The following FAM136A variants were observed in gnomAD, a reference collection of about 807,000 sequenced individuals.
FAM136A encodes TIM double twin CX3C motif protein.
In FAM136A, 25 loss-of-function variants were observed where a neutral mutation model predicts 21.6. The ratio of observed to expected loss-of-function variants is 1.16; its 90% CI spans 0.84 to 1.62. The LOEUF is 1.62. FAM136A is among the 40% of genes most tolerant of loss of function. The pLI is 0.00. For missense variants in FAM136A, 338 were observed against 332.0 expected, an observed-to-expected ratio of 1.02 and a Z score of -0.14; for synonymous variants, 119 against 129.4, an observed-to-expected ratio of 0.92 and a Z score of 0.55.
rs1225829272 is a variant in FAM136A, at chr2:70,296,504, G to A, written c.*785C>T. ...CTTCAAGGGGAAAGTGTTACTGCAA[G>A]ATTGTCCTGTCATTTTGTTACACAC... is the stretch of plus-strand genomic sequence containing the variant. On this transcript the variant is annotated 3_prime_UTR_variant, in exon 3 of 3. Coordinates refer to ENST00000430566, the MANE Select transcript of FAM136A (RefSeq NM_001329752.2). The A allele has an allele frequency of 6.6e-6, 1 of 152,240 alleles. No individual in the cohort carries two copies. Among genetic ancestry groups the A allele is most frequent in the Non-Finnish European group, 1.5e-5 (1 of 68,052 alleles). The allele number at this position is 152,240 out of a possible 1,614,324, so 9.4% of individuals were successfully genotyped here.
chr2:70,300,356 T>C (rs1267875611), intron 2 of FAM136A, among the ~76,000 whole-genome samples: 1 of 151,368 alleles, frequency 6.6e-6, no homozygotes, highest in East Asian at 2.0e-4. Flanking sequence ...TGAGACAGAG[T>C]CTCGCTCTGT....
In FAM136A at chr2:70,301,646, C is replaced by T. The variant is rs1257151159; in HGVS notation, c.366G>A (p.Ala122=). 6.5e-7 allele frequency: 1 copy of T among 1,535,602 alleles called. No homozygotes were observed. The highest frequency in any genetic ancestry group is 8.7e-7 in the Non-Finnish European group (1 of 1,146,600). Residue 122 remains alanine, a synonymous_variant, in exon 1 of 3, where the codon GCG becomes GCA. Coordinates refer to ENST00000430566, the MANE Select transcript of FAM136A (RefSeq NM_001329752.2). ...TAAGAGGGGAAGGTGGTGGGGCGAGCGCCTGCCACCAGGGGCTTCCCACCT... is the reference window on the plus strand; with the variant it reads ...TAAGAGGGGAAGGTGGTGGGGCGAGTGCCTGCCACCAGGGGCTTCCCACCT... ...RRQVGSPWWQ[A]LAPPPSPLTR... is the part of the protein sequence containing the mutation.
intron 1 of FAM136A, 78 bp from the exon 2 acceptor site, chr2:70,301,058 A>C (rs749247784): frequency 3.4e-6 from 5 of 1,489,016 alleles, no homozygotes; most frequent in Non-Finnish European, 4.6e-6. Context: ...CAGGAGTTAG[A>C]AGGCCACGTG....
intron 2 of FAM136A, among the ~76,000 whole-genome samples, chr2:70,298,817 G>A (rs1327820144): frequency 6.6e-6 from 1 of 152,184 alleles, no homozygotes; most frequent in Non-Finnish European, 1.5e-5. Context: ...AGAGTGAGAT[G>A]TCCTGGTGAC....
In FAM136A at chr2:70,300,994, G is replaced by A; in HGVS notation, c.409-14C>T. 2 of 1,605,262 alleles carry A rather than the reference G, an allele frequency of 1.2e-6. No individual in the cohort carries two copies. Among genetic ancestry groups the A allele is most frequent in the Non-Finnish European group, 1.7e-6 (2 of 1,172,890 alleles). On this transcript the variant is annotated splice_polypyrimidine_tract_variant and intron_variant, in intron 1 of 2. Transcript: ENST00000430566. ...GAACATGAGACCCTGGGGAGAAAGG[G>A]CAGAGAGGTTAGGTAGGAAAGTCTC...
In FAM136A at chr2:70,297,094, C is replaced by T; in HGVS notation, c.*195G>A. The T allele has an allele frequency of 1.7e-6, 1 of 583,824 alleles. No homozygotes were observed. The highest frequency in any genetic ancestry group is 4.2e-4 in the Middle Eastern group (1 of 2,398). The allele number at this position is 583,824 out of a possible 1,614,324, so 36.2% of individuals were successfully genotyped here. A position where few individuals can be genotyped will look rare whatever the true frequency, so the allele number is the denominator to read the frequency against. On this transcript the variant is annotated 3_prime_UTR_variant, in exon 3 of 3. Coordinates refer to ENST00000430566, the MANE Select transcript of FAM136A (RefSeq NM_001329752.2). ...GTAATATCTCTGACTCGATTTAGCA[C>T]CACTTTTTTCCATTTCATTTTTTAG...
Position 70,301,671 on chromosome 2 carries a change from T to G in FAM136A, c.341A>C (p.Gln114Pro). Residue 114 changes from glutamine to proline, a missense_variant, in exon 1 of 3, where the codon CAG becomes CCG. Gln to Pro is a moderately conservative substitution (Grantham distance 76, BLOSUM62 -1). Transcript: ENST00000430566. The stretch of plus-strand genomic sequence containing the variant: ...CGCCTGCCACCAGGGGCTTCCCACC[T>G]GCCGCCGAGGACGCTCCTGCCCCGG... ...SSPGQERPRR[Q>P]VGSPWWQALA... 6.5e-7 allele frequency: 1 copy of G among 1,535,066 alleles called. No homozygotes were observed. Among genetic ancestry groups the G allele is most frequent in the South Asian group, 1.2e-5 (1 of 83,972 alleles).
rs1282889500 is a variant in FAM136A at position 70,297,493 on chromosome 2, A to AGAAG, written c.550-17_550-16insCTTC. 1 of 1,214,730 alleles carries AGAAG rather than the reference A, an allele frequency of 8.2e-7. No homozygotes were observed. Among genetic ancestry groups the AGAAG allele is most frequent in the Admixed American group, 2.5e-5 (1 of 39,980 alleles). The allele number at this position is 1,214,730 out of a possible 1,614,324, so 75.2% of individuals were successfully genotyped here. A position where few individuals can be genotyped will look rare whatever the true frequency, so the allele number is the denominator to read the frequency against. ...CCAGGCGGTCCTGTGGCAAGAAGGAAGAACGTAGAAAAAGCTGAGAGTAAG... is the reference window on the plus strand; with the variant it reads ...CCAGGCGGTCCTGTGGCAAGAAGGAAGAAGGAACGTAGAAAAAGCTGAGAGTAAG... On this transcript the variant is annotated splice_polypyrimidine_tract_variant and intron_variant, in intron 2 of 2. Coordinates refer to ENST00000430566, the MANE Select transcript of FAM136A (RefSeq NM_001329752.2).
chr2:70,299,325 A>C (rs1697332440), intron 2 of FAM136A, among the ~76,000 whole-genome samples: 1 of 152,188 alleles, frequency 6.6e-6, no homozygotes, highest in Non-Finnish European at 1.5e-5. Flanking sequence ...CCAGAGAGGG[A>C]AACAGGGAGC....
At position 70,301,983 on chromosome 2, in the gene FAM136A, T is replaced by C; in HGVS notation, c.29A>G (p.Gln10Arg). 1.2e-6 allele frequency: 2 copies of C among 1,606,258 alleles called. No homozygotes were observed. Among genetic ancestry groups the C allele is most frequent in the Non-Finnish European group, 8.5e-7 (1 of 1,177,664 alleles). MAELQQLRV[Q>R]EAVESMVKSL... ...CTTCACCATGGACTCCACCGCCTCC[T>C]GCACCCGGAGCTGCTGCAGCTCAGC... Residue 10 changes from glutamine to arginine, a missense_variant, in exon 1 of 3, where the codon CAG becomes CGG. Physicochemically the swap from Gln to Arg is conservative, Grantham distance 43. Coordinates refer to ENST00000430566, the MANE Select transcript of FAM136A (RefSeq NM_001329752.2).
chr2:70,301,458 G>A, intron 1 of FAM136A, 146 bp downstream of exon 1: 1 of 1,535,556 alleles, frequency 6.5e-7, no homozygotes, highest in Non-Finnish European at 8.7e-7. Context: ...GGGGCTCAGA[G>A]AAGAACAGTG....
At position 70,297,348 on chromosome 2, in the gene FAM136A, G is replaced by C. The variant is rs759698708; in HGVS notation, c.679C>G (p.His227Asp). Residue 227 changes from histidine (H) to aspartate (D), a missense_variant, in exon 3 of 3, where the codon CAC becomes GAC. Transcript: ENST00000430566. ...CVTKCVDDHMHLIPTMTKKMK... is the reference protein window; with the variant it reads ...CVTKCVDDHMDLIPTMTKKMK... ...TTCTTGGTCATAGTTGGGATGAGGT[G>C]CATGTGGTCATCCACACACTTGGTC... 6.2e-7 allele frequency: 1 copy of C among 1,614,040 alleles called. No individual in the cohort carries two copies. The highest frequency in any genetic ancestry group is 8.5e-7 in the Non-Finnish European group (1 of 1,179,902).
At position 70,297,241 on chromosome 2, in the gene FAM136A, A is replaced by G. The variant is rs762289428; in HGVS notation, c.*48T>C. On this transcript the variant is annotated 3_prime_UTR_variant, in exon 3 of 3. Coordinates refer to ENST00000430566, the MANE Select transcript of FAM136A (RefSeq NM_001329752.2). The stretch of plus-strand genomic sequence containing the variant: ...AAGACTAAAATTCCCAATTCCTTAT[A>G]AAAAATATATTCTTGCCCTCAGCCC... 1 of 1,556,976 alleles carries G rather than the reference A, an allele frequency of 6.4e-7. No homozygotes were observed. The highest frequency in any genetic ancestry group is 8.7e-7 in the Non-Finnish European group (1 of 1,150,564).
intron 1 of FAM136A, chr2:70,301,313 G>T: frequency 7.1e-7 from 1 of 1,399,984 alleles, no homozygotes; most frequent in Non-Finnish European, 9.5e-7. Flanking sequence ...CTTCCATGGG[G>T]TTCAGAGGTC....
Position 70,297,302 on chromosome 2 carries a change from G to T in FAM136A, c.725C>A (p.Ser242Ter), listed in dbSNP as rs781209587. The T allele has an allele frequency of 6.2e-7, 1 of 1,613,412 alleles. No individual in the cohort carries two copies. The highest frequency in any genetic ancestry group is 8.5e-7 in the Non-Finnish European group (1 of 1,179,418). Residue 242 changes from serine (S) to a stop codon, truncating the protein, a stop_gained, in exon 3 of 3, where the codon TCA (serine) becomes TAA (stop). Coordinates refer to ENST00000430566, the MANE Select transcript of FAM136A (RefSeq NM_001329752.2). LOFTEE classifies it high-confidence loss of function. ...MTKKMKEALL[S>*]IGK is the part of the protein sequence containing the mutation. Reference sequence around the variant, plus strand: ...TGGCAAATACTTTTATTTTCCAATTGATAAGAGAGCCTCCTTCATCTTCTT... The same window carrying T: ...TGGCAAATACTTTTATTTTCCAATTTATAAGAGAGCCTCCTTCATCTTCTT...
chr2:70,299,747 C>T (rs866548257), intron 2 of FAM136A, among the ~76,000 whole-genome samples: 1 of 151,816 alleles, frequency 6.6e-6, no homozygotes, highest in Non-Finnish European at 1.5e-5. Context: ...ACTACAGGCG[C>T]CCACCACCAC....
Position 70,297,299 on chromosome 2 carries a change from A to G in FAM136A, c.728T>C (p.Ile243Thr), listed in dbSNP as rs1374536693. The change falls in exon 3 of 3, where the codon ATT becomes ACT. Residue 243 changes from isoleucine to threonine, a missense_variant. Ile to Thr is a moderately conservative substitution (Grantham distance 89). Coordinates refer to ENST00000430566, the MANE Select transcript of FAM136A (RefSeq NM_001329752.2). Reference protein sequence around the residue: ...TKKMKEALLSIGK With the variant: ...TKKMKEALLSTGK ...CACTGGCAAATACTTTTATTTTCCA[A>G]TTGATAAGAGAGCCTCCTTCATCTT... 5.6e-6 allele frequency: 9 copies of G among 1,613,042 alleles called. No homozygotes were observed. Among genetic ancestry groups the G allele is most frequent in the East Asian group, 2.2e-5 (1 of 44,874 alleles).
chr2:70,299,236 A>C (rs1697330481), intron 2 of FAM136A, among the ~76,000 whole-genome samples: 1 of 152,222 alleles, frequency 6.6e-6, no homozygotes, highest in African/African-American at 2.4e-5. Flanking sequence ...CTGGCTTGGA[A>C]GTAGGCTTGC....
In FAM136A at chr2:70,301,824, G is replaced by A. The variant is rs1374539526; in HGVS notation, c.188C>T (p.Pro63Leu). The A allele has an allele frequency of 1.3e-6, 2 of 1,548,994 alleles. No individual in the cohort carries two copies. The highest frequency in any genetic ancestry group is 1.7e-6 in the Non-Finnish European group (2 of 1,145,858). Residue 63 changes from proline (P) to leucine (L), a missense_variant, in exon 1 of 3, where the codon CCG becomes CTG. By Grantham distance (98) the Pro-to-Leu change is moderately conservative (BLOSUM62 -3). Transcript: ENST00000430566. ...CCAGGGCCGCCCACACCCGGTCTGC[G>A]GGGACGCGGCTGCAGTGCAAGGCGT... ...HATPCTAAAS[P>L]QTGCGRPWGR...
Sources: gnomAD v4.1 joint callset for allele counts (sites outside exome capture counted in the v4.1 genomes callset) on GRCh38, gnomAD v4.1.1 for gene constraint, MANE v1.5 for transcripts, NCBI Gene and HGNC (gene_info 2026-07-23, HGNC 2026-07-21) for gene names.